The following OTOG variants were observed in gnomAD, a reference collection of about 807,000 sequenced individuals.
The protein encoded by OTOG is otogelin.
Under a neutral mutation model 313.8 loss-of-function variants are expected in OTOG, and 296 were observed. That is an observed-to-expected ratio of 0.94 (90% CI 0.86 to 1.04). OTOG has a LOEUF of 1.04. Ranked by LOEUF, OTOG falls within the 50% of genes least tolerant of loss-of-function variation. OTOG has a pLI of 0.00. For missense variants in OTOG, 3,948 were observed against 3,840.1 expected (o/e 1.03, Z -0.74); for synonymous variants, 1,533 against 1,554.9 (o/e 0.99, Z 0.33).
intron 49 of OTOG, among the ~76,000 whole-genome samples, chr11:17,639,954 G>A (rs905861945): frequency 7.4e-6 from 1 of 134,970 alleles, no homozygotes; most frequent in Non-Finnish European, 1.6e-5. Context: ...CAATGATGGT[G>A]GTGGTGGGGA....
Position 17,591,511 on chromosome 11 carries a change from T to C in OTOG, c.2929T>C (p.Tyr977His). Residue 977 changes from tyrosine (Y) to histidine (H), a missense_variant, in exon 25 of 56, where the codon TAT becomes CAT. Coordinates refer to ENST00000399397, the MANE Select transcript of OTOG (RefSeq NM_001292063.2). ...CCCTTGCGCCTCCACCTGCACTGCC[T>C]ATGGGGACCGGCATTACCGCACGTT... ...LHPCASTCTA[Y>H]GDRHYRTFDG... 1.3e-6 allele frequency: 2 copies of C among 1,550,706 alleles called. No individual in the cohort carries two copies. The highest frequency in any genetic ancestry group is 1.7e-6 in the Non-Finnish European group (2 of 1,147,022).
intron 49 of OTOG, among the ~76,000 whole-genome samples, chr11:17,640,498 G>T (rs886412873): frequency 2.6e-5 from 4 of 152,200 alleles, no homozygotes; most frequent in Non-Finnish European, 2.9e-5. Flanking sequence ...GAGAAGTAGT[G>T]TGAGCCACCC....
rs1037786055 is a variant in OTOG, at chr11:17,596,998, C to T, written c.3673C>T (p.Arg1225Cys). The change falls in exon 30 of 56, where the codon CGC (arginine) becomes TGC (cysteine). Residue 1225 changes from arginine to cysteine, a missense_variant. Transcript: ENST00000399397. ...GGTGGCTGTTGACTGGCGAACCCCC[C>T]GCCTCTGCCGTGAGTGTCCCAGACA... is the stretch of plus-strand genomic sequence containing the variant. ...HGVAVDWRTPRLCPYDCDFFN... is the reference protein window; with the variant it reads ...HGVAVDWRTPCLCPYDCDFFN... The T allele has an allele frequency of 1.2e-5, 19 of 1,549,376 alleles. No individual in the cohort carries two copies. Among genetic ancestry groups the T allele is most frequent in the Admixed American group, 2.0e-5 (1 of 50,956 alleles).
chr11:17,554,049 G>A (rs1852002555), intron 6 of OTOG, among the ~76,000 whole-genome samples: 1 of 152,184 alleles, frequency 6.6e-6, no homozygotes, highest in East Asian at 1.9e-4. Context: ...TTAGCCAAGT[G>A]AAGAGTAGGA....
intron 25 of OTOG, among the ~76,000 whole-genome samples, chr11:17,592,560 C>G (rs969235588): frequency 6.6e-6 from 1 of 152,226 alleles, no homozygotes; most frequent in Non-Finnish European, 1.5e-5. Context: ...CACACACACA[C>G]ACACTTTGTT....
chr11:17,635,030 G>A (rs1306555699), intron 45 of OTOG, 50 bp from the exon 46 acceptor site: 3 of 1,535,056 alleles, frequency 2.0e-6, no homozygotes, highest in Non-Finnish European at 2.6e-6. Flanking sequence ...GGGCCCAGGG[G>A]TGGCCAGGCA....
At chr11:17,613,204 TTTCTTTCTTTCTTTCTTTC>T in intron 38 of OTOG, among the ~76,000 whole-genome samples, 1 of 92,984 alleles carries the variant, frequency 1.1e-5, no homozygotes, top group Non-Finnish European at 2.1e-5. Context: ...CTTTTCTTTC[TTTCTTTCTTTCTTTCTTTC>T]TTTCTTTCTT....
intron 38 of OTOG, among the ~76,000 whole-genome samples, chr11:17,613,397 C>CTT: frequency 2.2e-5 from 3 of 138,618 alleles, no homozygotes; most frequent in Admixed American, 1.5e-4. Context: ...TCCTTCCTTC[C>CTT]TTTTTTTCTG....
In OTOG at chr11:17,569,245, C is replaced by T. The variant is rs765889397; in HGVS notation, c.1734C>T (p.Val578=). 2 of 1,550,574 alleles carry T rather than the reference C, an allele frequency of 1.3e-6. No homozygotes were observed. The highest frequency in any genetic ancestry group is 1.2e-5 in the South Asian group (1 of 84,062). The change falls in exon 16 of 56, where the codon GTC becomes GTT. Residue 578 remains valine (V), a synonymous_variant. Transcript: ENST00000399397. ...TGACCCTGACCCAGGCAGGGGATGT[C>T]CTTCTGTTTGACCAGTACAAGATCA... ...RQVTLTQAGD[V]LLFDQYKIIP... is the part of the protein sequence containing the mutation.
In OTOG at chr11:17,581,319, G is replaced by A. The variant is rs534311247; in HGVS notation, c.2759+2793G>A. 5.3e-5 allele frequency among the ~76,000 whole-genome samples: 8 copies of A among 152,290 alleles called. No homozygotes were observed. In the East Asian group the frequency reaches 1.5e-3, roughly 29 times the overall value. ...GCCCCATCCAGCAGGAGAAAGGAGA[G>A]TTTCAAGAGAAACCAAATCAGAGAC... On this transcript the variant is annotated intron_variant, in intron 23 of 55. Coordinates refer to ENST00000399397, the MANE Select transcript of OTOG (RefSeq NM_001292063.2).
At chr11:17,613,168 CCTTT>C (rs1264571244) in intron 38 of OTOG, among the ~76,000 whole-genome samples, 2 of 136,726 alleles carry the variant, frequency 1.5e-5, no homozygotes, top group African/African-American at 5.9e-5. Context: ...TTCTCTTCTC[CCTTT>C]TCTTTCTTTC....
rs1344032442 is a variant in OTOG at position 17,611,366 on chromosome 11, G to A, written c.6066G>A (p.Glu2022=). Residue 2022 remains glutamate (E), a synonymous_variant, in exon 36 of 56, where the codon GAG becomes GAA. Coordinates refer to ENST00000399397, the MANE Select transcript of OTOG (RefSeq NM_001292063.2). ...CAGCCCCAGCCCTGAGCATCGTAGA[G>A]GGTTTGGCGGAGGCTTTGGCAACTA... is the stretch of plus-strand genomic sequence containing the variant. ...GRSAPALSIV[E]GLAEALATTT... The A allele has an allele frequency of 1.5e-5, 23 of 1,546,234 alleles. No homozygotes were observed. Among genetic ancestry groups the A allele is most frequent in the Middle Eastern group, 1.7e-4 (1 of 5,974 alleles).
Position 17,586,553 on chromosome 11 carries a change from G to C in OTOG, c.2839G>C (p.Asp947His). Residue 947 changes from aspartate to histidine, a missense_variant, in exon 24 of 56, where the codon GAC (aspartate) becomes CAC (histidine). By Grantham distance (81) the Asp-to-His change is moderately conservative. Transcript: ENST00000399397. Reference protein sequence around the residue: ...TWKGKEYFPGDQVMSPCHTCV... With the variant: ...TWKGKEYFPGHQVMSPCHTCV... The stretch of plus-strand genomic sequence containing the variant: ...GAAGGGGAAGGAGTATTTCCCTGGG[G>C]ACCAGGTGATGTCTCCTTGCCATAC... 7.0e-7 allele frequency: 1 copy of C among 1,427,000 alleles called. No homozygotes were observed. The highest frequency in any genetic ancestry group is 9.2e-7 in the Non-Finnish European group (1 of 1,085,984). 88.4% of individuals were successfully genotyped at this position (1,427,000 alleles called of 1,614,324 possible).
At chr11:17,597,069 A>G (rs981396694) in intron 30 of OTOG, 62 bp downstream of exon 30, 2 of 1,521,942 alleles carry the variant, frequency 1.3e-6, no homozygotes, top group Non-Finnish European at 1.8e-6. Flanking sequence ...GGCATGCCCT[A>G]GGGGTACTGG....
intron 39 of OTOG, among the ~76,000 whole-genome samples, chr11:17,627,603 A>G (rs1222412585): frequency 6.6e-6 from 1 of 152,186 alleles, no homozygotes; most frequent in East Asian, 1.9e-4. Flanking sequence ...CACTGGCCTC[A>G]TAGAATGAGT....
intron 23 of OTOG, among the ~76,000 whole-genome samples, 199 bp from the exon 24 acceptor site, chr11:17,586,275 G>C (rs555697836): frequency 7.2e-5 from 11 of 152,346 alleles, no homozygotes; most frequent in African/African-American, 2.6e-4. Context: ...GGCCTAGTCT[G>C]TTACTGGTTT....
intron 10 of OTOG, 55 bp downstream of exon 10, chr11:17,558,699 C>T: frequency 3.4e-6 from 5 of 1,487,218 alleles, no homozygotes; most frequent in Non-Finnish European, 3.6e-6. Flanking sequence ...GGTGAGTGCT[C>T]AGCACACGGG....
intron 31 of OTOG, among the ~76,000 whole-genome samples, chr11:17,600,520 T>C (rs1171742021): frequency 6.6e-6 from 1 of 152,128 alleles, no homozygotes; most frequent in Non-Finnish European, 1.5e-5. Context: ...GATTTTGGCT[T>C]GACTGTGGTG....
chr11:17,594,701 A>C (rs146624160), intron 28 of OTOG, among the ~76,000 whole-genome samples: 159 of 152,332 alleles, frequency 1.0e-3, no homozygotes, highest in African/African-American at 3.7e-3. Flanking sequence ...TGTCTAACTG[A>C]GGCTGCCAAT....
Sources: allele counts gnomAD v4.1 joint callset (sites outside exome capture counted in the v4.1 genomes callset), GRCh38; gene constraint gnomAD v4.1.1; transcripts MANE v1.5; gene names NCBI Gene and HGNC (gene_info 2026-07-23, HGNC 2026-07-21).